Variants in RICTOR observed in about 807,000 individuals in gnomAD.
RICTOR encodes the protein rapamycin-insensitive companion of mTOR.
RICTOR carries 49 observed loss-of-function variants against 214.9 expected under a neutral mutation model. That is an observed-to-expected ratio of 0.23 (90% CI 0.18 to 0.29). The LOEUF (loss-of-function observed/expected upper bound fraction) is 0.29, where lower values mean the gene tolerates loss of function less well. RICTOR is among the 10% of genes least tolerant of loss of function. The probability of loss-of-function intolerance (pLI) is 1.00; values close to 1 mark genes in which losing one functional copy is unlikely to be tolerated. For synonymous variants in RICTOR, 717 were observed against 711.3 expected, an observed-to-expected ratio of 1.01 and a Z score of -0.13; for missense variants, 1,625 against 2,047.0, an observed-to-expected ratio of 0.79 and a Z score of 3.98.
chr5:39,029,680 C>G (rs1187149696), intron 2 of RICTOR, among the ~76,000 whole-genome samples: 1 of 152,134 alleles, frequency 6.6e-6, no homozygotes, highest in African/African-American at 2.4e-5. Flanking sequence ...CTCATTCACC[C>G]CTAAACCATG....
intron 34 of RICTOR, 44 bp downstream of exon 34, chr5:38,945,447 T>C (rs1346196709): frequency 2.3e-6 from 3 of 1,297,620 alleles, no homozygotes; most frequent in Admixed American, 2.0e-5. Flanking sequence ...CAGAGAACTT[T>C]AGTCATCACT....
chr5:39,072,823 TA>T (rs1554015570), intron 2 of RICTOR, among the ~76,000 whole-genome samples: 1 of 152,206 alleles, frequency 6.6e-6, no homozygotes, highest in Non-Finnish European at 1.5e-5. Flanking sequence ...TATATTGTAT[TA>T]TATTTTAGAA....
intron 2 of RICTOR, among the ~76,000 whole-genome samples, chr5:39,045,454 A>G: frequency 6.6e-6 from 1 of 152,138 alleles, no homozygotes; most frequent in East Asian, 1.9e-4. Context: ...TTCTGCTACA[A>G]TTTCTATGTC....
chr5:38,985,685 G>A (rs1209575011), intron 7 of RICTOR, among the ~76,000 whole-genome samples: 3 of 151,366 alleles, frequency 2.0e-5, no homozygotes, highest in Non-Finnish European at 4.4e-5. Flanking sequence ...TCATGCCTTT[G>A]CACCTACAAT....
chr5:39,044,081 A>T lies in RICTOR; in HGVS notation c.98-22945T>A, dbSNP rs914966613. ...TTTGACTTTTACACAATGTATACAC[A>T]TATCAAAATGACACTGTACCCTATA... On this transcript the variant is annotated intron_variant, in intron 2 of 37. Coordinates refer to ENST00000357387, the MANE Select transcript of RICTOR (RefSeq NM_152756.5). Among the ~76,000 whole-genome samples the T allele has an allele frequency of 2.0e-5, 3 of 152,218 alleles. No individual in the cohort carries two copies. In the East Asian group the frequency reaches 5.8e-4, roughly 29 times the overall value.
intron 2 of RICTOR, among the ~76,000 whole-genome samples, chr5:39,063,609 C>T (rs1758695269): frequency 6.6e-6 from 1 of 152,060 alleles, no homozygotes. Context: ...GAGTCCCTTA[C>T]AAAGATAATT....
rs549743919 is a variant in RICTOR, at chr5:39,034,529, C to T, written c.98-13393G>A. Among the ~76,000 whole-genome samples, 6 of 152,334 alleles carry T rather than the reference C, an allele frequency of 3.9e-5. No homozygotes were observed. The South Asian group carries it at 6.2e-4, about 16-fold the overall frequency. On this transcript the variant is annotated intron_variant, in intron 2 of 37. Coordinates refer to ENST00000357387, the MANE Select transcript of RICTOR (RefSeq NM_152756.5). The stretch of plus-strand genomic sequence containing the variant: ...AAGCAGGGCGAGGCATCTCCTCACC[C>T]GGGAAGTGCAAGGGGTCAGGGAATT...
At chr5:38,956,475 C>T (rs1749274387) in intron 25 of RICTOR, among the ~76,000 whole-genome samples, 1 of 152,068 alleles carries the variant, frequency 6.6e-6, no homozygotes, top group Non-Finnish European at 1.5e-5. Flanking sequence ...TGACTTTCTT[C>T]ATAAGTCTAT....
Position 38,938,205 on chromosome 5 carries a change from C to T in RICTOR, c.*4099G>A, listed in dbSNP as rs1036589914. 4.5e-6 allele frequency: 1 copy of T among 223,036 alleles called. No individual in the cohort carries two copies. Among genetic ancestry groups the T allele is most frequent in the Admixed American group, 5.8e-5 (1 of 17,390 alleles). The allele number at this position is 223,036 out of a possible 1,614,324, so 13.8% of individuals were successfully genotyped here. A position where few individuals can be genotyped will look rare whatever the true frequency, so the allele number is the denominator to read the frequency against. On this transcript the variant is annotated 3_prime_UTR_variant, in exon 38 of 38. Coordinates refer to ENST00000357387, the MANE Select transcript of RICTOR (RefSeq NM_152756.5). The stretch of plus-strand genomic sequence containing the variant: ...ATGTCTGTTCAGTGACCTACAAACA[C>T]CAGAACCTCCAAATATGTAGCAGCG...
At chr5:38,980,115 A>G (rs545183485) in intron 8 of RICTOR, among the ~76,000 whole-genome samples, 1 of 152,268 alleles carries the variant, frequency 6.6e-6, no homozygotes, top group South Asian at 2.1e-4. Flanking sequence ...CACATATCCA[A>G]TTATATGATA....
At chr5:38,976,713 AC>A (rs1233864477) in intron 9 of RICTOR, among the ~76,000 whole-genome samples, 1 of 152,076 alleles carries the variant, frequency 6.6e-6, no homozygotes, top group Non-Finnish European at 1.5e-5. Flanking sequence ...GTCATAATAT[AC>A]CCTTATTTAC....
At chr5:39,041,695 G>T (rs1757181106) in intron 2 of RICTOR, among the ~76,000 whole-genome samples, 1 of 152,148 alleles carries the variant, frequency 6.6e-6, no homozygotes, top group Admixed American at 6.6e-5. Context: ...AGCAAGTACA[G>T]ATTTGGGGGA....
intron 27 of RICTOR, 200 bp downstream of exon 27, chr5:38,954,574 T>A: frequency 6.2e-6 from 3 of 481,576 alleles, no homozygotes; most frequent in Non-Finnish European, 3.7e-6. Flanking sequence ...AGTTAATGCA[T>A]TGCAAGGCCA....
At chr5:38,950,783 G>A (rs1748708482) in intron 30 of RICTOR, 63 bp from the exon 31 acceptor site, 1 of 1,387,340 alleles carries the variant, frequency 7.2e-7, no homozygotes. Context: ...ATAACTATTA[G>A]TGACATCACA....
In RICTOR at chr5:38,982,041, A is replaced by G; in HGVS notation, c.584-5T>C. 2.5e-6 allele frequency: 4 copies of G among 1,599,934 alleles called. No individual in the cohort carries two copies. Among genetic ancestry groups the G allele is most frequent in the Non-Finnish European group, 3.4e-6 (4 of 1,169,470 alleles). On this transcript the variant is annotated splice_region_variant and splice_polypyrimidine_tract_variant and intron_variant, in intron 7 of 37. Coordinates refer to ENST00000357387, the MANE Select transcript of RICTOR (RefSeq NM_152756.5). ...CCACCTCTGGATTCTGAAGTGCTAA[A>G]AGAGAAAAACTTAACATATTATATT...
At chr5:39,072,994 T>C (rs1486828362) in intron 2 of RICTOR, among the ~76,000 whole-genome samples, 1 of 152,106 alleles carries the variant, frequency 6.6e-6, no homozygotes, top group African/African-American at 2.4e-5. Flanking sequence ...TAAAACAAAT[T>C]AGAAAATGCA....
intron 6 of RICTOR, among the ~76,000 whole-genome samples, chr5:38,996,540 G>C (rs1182303934): frequency 6.6e-6 from 1 of 152,098 alleles, no homozygotes; most frequent in Non-Finnish European, 1.5e-5. Context: ...TATCAAAGCA[G>C]TAACTACATT....
At chr5:39,040,911 G>C (rs1347014570) in intron 2 of RICTOR, among the ~76,000 whole-genome samples, 1 of 152,230 alleles carries the variant, frequency 6.6e-6, no homozygotes, top group Admixed American at 6.5e-5. Flanking sequence ...GGAAAAAAGA[G>C]GGACATAAAT....
chr5:39,005,735 T>C (rs1754003611), intron 3 of RICTOR, among the ~76,000 whole-genome samples: 1 of 152,176 alleles, frequency 6.6e-6, no homozygotes, highest in South Asian at 2.1e-4. Context: ...GATTTGATGG[T>C]GTTATCTGTC....
Sources: allele counts gnomAD v4.1 joint callset (sites outside exome capture counted in the v4.1 genomes callset), GRCh38; gene constraint gnomAD v4.1.1; transcripts MANE v1.5; gene names NCBI Gene and HGNC (gene_info 2026-07-23, HGNC 2026-07-21).